The following TNS1 variants were observed in gnomAD, a reference collection of about 807,000 sequenced individuals.
The protein encoded by TNS1 is tensin 1.
In TNS1, 62 loss-of-function variants were observed where a neutral mutation model predicts 168.6. The observed-to-expected ratio is 0.37, with a 90% CI of 0.30 to 0.45. TNS1 has a LOEUF of 0.45. Ranked by LOEUF, TNS1 falls within the 20% of genes least tolerant of loss-of-function variation. The pLI, the probability that TNS1 is intolerant of heterozygous loss-of-function variation, is 1.00. For missense variants in TNS1, 2,240 were observed against 2,339.4 expected (o/e 0.96, Z 0.88); for synonymous variants, 934 against 933.2 (o/e 1.00, Z -0.02).
intron 4 of TNS1, among the ~76,000 whole-genome samples, chr2:217,916,331 C>T (rs1955001749): frequency 6.6e-6 from 1 of 151,586 alleles, no homozygotes; most frequent in Admixed American, 6.6e-5. Context: ...ACCTCCAAGT[C>T]ATTCTACAGG....
intron 3 of TNS1, among the ~76,000 whole-genome samples, chr2:217,933,492 A>G (rs980839032): frequency 2.6e-5 from 4 of 152,042 alleles, no homozygotes; most frequent in African/African-American, 4.8e-5. Flanking sequence ...AAACAGAAAC[A>G]CATCAGCACC....
At chr2:217,936,309 T>A (rs555095203) in intron 3 of TNS1, among the ~76,000 whole-genome samples, 1 of 152,218 alleles carries the variant, frequency 6.6e-6, no homozygotes. Context: ...CTGCCTACAG[T>A]CTACCCTCAC....
chr2:217,842,846 C>T (rs1199734648), intron 19 of TNS1, among the ~76,000 whole-genome samples: 1 of 152,188 alleles, frequency 6.6e-6, no homozygotes, highest in African/African-American at 2.4e-5. Context: ...ACTTGTTGCT[C>T]CATGGGGCTC....
intron 4 of TNS1, among the ~76,000 whole-genome samples, chr2:217,913,947 C>T (rs763250120): frequency 4.6e-5 from 7 of 152,092 alleles, no homozygotes; most frequent in Non-Finnish European, 5.9e-5. Flanking sequence ...TCTCTCTTCC[C>T]GCCAGCAAGA....
intron 7 of TNS1, among the ~76,000 whole-genome samples, chr2:217,899,897 C>G (rs911693867): frequency 2.0e-5 from 3 of 152,200 alleles, no homozygotes; most frequent in Admixed American, 1.3e-4. Context: ...ATCTCAGGAG[C>G]CTCAGTGGGT....
chr2:217,898,441 C>T (rs1231890665), intron 7 of TNS1, among the ~76,000 whole-genome samples: 1 of 152,226 alleles, frequency 6.6e-6, no homozygotes, highest in East Asian at 1.9e-4. Context: ...GGAGACTTCC[C>T]ACTGCCCGCC....
rs1210541458 is a variant in TNS1, at chr2:218,032,734, CAGCAACCCTCACTGG to C, written c.156+1071_156+1085del. On this transcript the variant is annotated intron_variant, in intron 1 of 1. Transcript: ENST00000649572. This position sits in a 1 kb window ranked among gnomAD's most constrained non-coding sequence, Gnocchi z 4.0. ...CCCTGAAGGGGGGAGCCCCGAGCAG[CAGCAACCCTCACTGG>C]AGCCAGAGTCAGGGCACAGCAGCTG... Among the ~76,000 whole-genome samples, 1 of 152,178 alleles carries C rather than the reference CAGCAACCCTCACTGG, an allele frequency of 6.6e-6. No individual in the cohort carries two copies. The highest frequency in any genetic ancestry group is 6.5e-5 in the Admixed American group (1 of 15,282).
chr2:217,817,626 A>T, intron 24 of TNS1, 64 bp downstream of exon 24: 2 of 1,367,570 alleles, frequency 1.5e-6, no homozygotes, highest in Non-Finnish European at 2.0e-6. Flanking sequence ...ACTGGGATAG[A>T]TATTTCACTC....
chr2:217,856,069 T>A (rs763823929), intron 18 of TNS1, among the ~76,000 whole-genome samples: 1 of 152,152 alleles, frequency 6.6e-6, no homozygotes, highest in Non-Finnish European at 1.5e-5. Flanking sequence ...AAAAACCATC[T>A]GTGGATCCCA....
chr2:217,964,610 T>G (rs1427168553), intron 3 of TNS1, among the ~76,000 whole-genome samples: 1 of 152,218 alleles, frequency 6.6e-6, no homozygotes, highest in Non-Finnish European at 1.5e-5. Flanking sequence ...ATAGGAGTTT[T>G]GGAAGCTGCG....
chr2:217,878,232 C>T (rs1439325883), intron 18 of TNS1, among the ~76,000 whole-genome samples: 1 of 152,110 alleles, frequency 6.6e-6, no homozygotes, highest in Non-Finnish European at 1.5e-5. Flanking sequence ...CTAACCCTCC[C>T]TCTTCCTAAC....
At chr2:217,814,680 A>C (rs1288449123) in intron 25 of TNS1, among the ~76,000 whole-genome samples, 19 of 152,216 alleles carry the variant, frequency 1.2e-4, no homozygotes. Flanking sequence ...AGGAAAACCA[A>C]GGCTTTGCTG....
Position 217,818,041 on chromosome 2 carries a change from A to G in TNS1, c.4291T>C (p.Ser1431Pro). Reference sequence around the variant, plus strand: ...GTGGGTCTCCGATCCTCCGGGGTAGAATAGCCACCATAGGCCACATGCCGG... The same window carrying G: ...GTGGGTCTCCGATCCTCCGGGGTAGGATAGCCACCATAGGCCACATGCCGG... ...LDRHVAYGGYSTPEDRRPTLS... is the reference protein window; with the variant it reads ...LDRHVAYGGYPTPEDRRPTLS... The change falls in exon 24 of 33, where the codon TCT (serine) becomes CCT (proline). Residue 1431 changes from serine to proline, a missense_variant. Around this residue, in one of 2 missense-constraint regions of TNS1, gnomAD observed 2,131 missense variants for 2,171.2 expected, o/e 0.98. Coordinates refer to ENST00000682258, the MANE Select transcript of TNS1 (RefSeq NM_001387777.1). 1 of 1,605,198 alleles carries G rather than the reference A, an allele frequency of 6.2e-7. No homozygotes were observed.
intron 18 of TNS1, among the ~76,000 whole-genome samples, chr2:217,855,540 T>G (rs570341225): frequency 6.6e-6 from 1 of 150,392 alleles, no homozygotes; most frequent in African/African-American, 2.5e-5. Flanking sequence ...TGAGAGCTTG[T>G]TGAGGAAGAG....
intron 19 of TNS1, among the ~76,000 whole-genome samples, chr2:217,845,986 G>T (rs1253911183): frequency 6.6e-6 from 1 of 152,122 alleles, no homozygotes; most frequent in East Asian, 1.9e-4. Context: ...AATTCAGAAA[G>T]CCCCATCCCT....
intron 11 of TNS1, 123 bp from the exon 12 acceptor site, chr2:217,891,168 G>T: frequency 1.2e-6 from 1 of 862,988 alleles, no homozygotes; most frequent in Non-Finnish European, 1.9e-6. Flanking sequence ...TGTCCTGGAG[G>T]GAAGACAAGC....
intron 18 of TNS1, among the ~76,000 whole-genome samples, chr2:217,855,087 C>T (rs1947964154): frequency 6.6e-6 from 1 of 152,160 alleles, no homozygotes; most frequent in Non-Finnish European, 1.5e-5. Context: ...TTTCCTCTCT[C>T]CATCCCCTGC....
intron 3 of TNS1, among the ~76,000 whole-genome samples, chr2:217,922,455 C>A (rs1276169745): frequency 1.3e-5 from 2 of 152,040 alleles, no homozygotes; most frequent in African/African-American, 4.8e-5. Flanking sequence ...GCAGGGACCG[C>A]GAGCCAGGCC....
intron 1 of TNS1, 23 bp downstream of exon 1, chr2:218,002,817 G>A (rs776628623): frequency 5.7e-5 from 26 of 456,636 alleles, no homozygotes; most frequent in Middle Eastern, 3.3e-4. Context: ...GAGTAACGTC[G>A]CAGCTAAAGC....
Sources: gnomAD v4.1 joint callset for allele counts (sites outside exome capture counted in the v4.1 genomes callset) on GRCh38, gnomAD v4.1.1 for gene constraint, gnomAD v4.1.1 regional missense constraint, Gnocchi (gnomAD v3.1) non-coding constraint, MANE v1.5 for transcripts, NCBI Gene and HGNC (gene_info 2026-07-23, HGNC 2026-07-21) for gene names.